APOB: variants seen among roughly 807,000 people sequenced by gnomAD.
APOB encodes the protein apolipoprotein B.
Under a neutral mutation model 314.1 loss-of-function variants are expected in APOB, and 153 were observed. The observed-to-expected ratio is 0.49, with a 90% confidence interval of 0.43 to 0.56. APOB has a LOEUF of 0.56. Among genes scored for constraint, APOB ranks in the 20% least tolerant of loss-of-function variants. APOB has a pLI of 0.00. For synonymous variants in APOB, 2,087 were observed against 2,036.4 expected (o/e 1.02, Z -0.67); for missense variants, 5,430 against 5,350.7 (o/e 1.01, Z -0.46).
chr2:21,003,398 C>G, intron 28 of APOB, 64 bp from the exon 29 acceptor site: 2 of 1,383,716 alleles, frequency 1.4e-6, no homozygotes, highest in East Asian at 4.6e-5. Context: ...ATATAGTACA[C>G]TAAAACTTCA....
intron 8 of APOB, 49 bp from the exon 9 acceptor site, chr2:21,033,567 C>G: frequency 1.3e-6 from 2 of 1,490,520 alleles, no homozygotes; most frequent in Non-Finnish European, 1.9e-6. Flanking sequence ...TCATCTCAAC[C>G]ATATCTTTGT....
intron 15 of APOB, among the ~76,000 whole-genome samples, chr2:21,026,343 G>A (rs1362585892): frequency 1.3e-5 from 2 of 151,992 alleles, no homozygotes; most frequent in Non-Finnish European, 2.9e-5. Flanking sequence ...CACCTCCCGG[G>A]TTCAAGCAAT....
chr2:21,007,778 A>T lies in APOB; in HGVS notation c.9090T>A (p.Ile3030=). ...RHDAHLNGKV[I]GTLKNSLFFS... is the part of the protein sequence containing the mutation. ...AGAAAAGAGAATTTTTCAAAGTTCC[A>T]ATAACCTTTCCATTTAAATGAGCAT... Residue 3030 remains isoleucine, a synonymous_variant, in exon 26 of 29, where the codon ATT becomes ATA. Coordinates refer to ENST00000233242, the MANE Select transcript of APOB (RefSeq NM_000384.3). 6.2e-7 allele frequency: 1 copy of T among 1,614,072 alleles called. No homozygotes were observed. The highest frequency in any genetic ancestry group is 8.5e-7 in the Non-Finnish European group (1 of 1,179,946).
In APOB at chr2:21,033,435, GGA is replaced by G. The variant is rs750610718; in HGVS notation, c.986_987del (p.Leu329ProfsTer10). On this transcript the variant is annotated frameshift_variant, in exon 9 of 29. Transcript: ENST00000233242. LOFTEE classifies it high-confidence loss of function. ...GAGATGGTTAGTTTTTTCAGTTCCT[GGA>G]GAGTCTTCAAAACAGCTTCGGCCTG... ...PKQAEAVLKT[L>X]QELKKLTISE... 6.2e-7 allele frequency: 1 copy of G among 1,614,136 alleles called. No homozygotes were observed. Among genetic ancestry groups the G allele is most frequent in the Non-Finnish European group, 8.5e-7 (1 of 1,180,016 alleles).
At position 21,019,755 on chromosome 2, in the gene APOB, G is replaced by A. The variant is rs773461882; in HGVS notation, c.2967C>T (p.Ser989=). 2.0e-5 allele frequency: 33 copies of A among 1,614,038 alleles called. No individual in the cohort carries two copies. The highest frequency in any genetic ancestry group is 1.8e-4 in the East Asian group (8 of 44,892). The change falls in exon 19 of 29, where the codon TCC becomes TCT. Residue 989 remains serine (S), a synonymous_variant. Transcript: ENST00000233242. ...GAYSNASSTD[S]ASYYPLTGDT... is the part of the protein sequence containing the mutation. The stretch of plus-strand genomic sequence containing the variant: ...CCCCGGTCAGCGGATAGTAGGAGGC[G>A]GAGTCTGTGGAGCTGGCGTTGGAGT...
intron 9 of APOB, among the ~76,000 whole-genome samples, 165 bp downstream of exon 9, chr2:21,033,134 C>T (rs1482974112): frequency 6.6e-6 from 1 of 152,182 alleles, no homozygotes; most frequent in African/African-American, 2.4e-5. Flanking sequence ...TGGAACTCAG[C>T]GCAGCAGCTG....
At chr2:21,032,125 T>C (rs12720804) in intron 10 of APOB, among the ~76,000 whole-genome samples, 4,844 of 152,294 alleles carry the variant, frequency 0.032, 189 homozygotes, top group African/African-American at 0.092. Context: ...AACTTTGCTA[T>C]GTTCAAAAAC....
intron 12 of APOB, among the ~76,000 whole-genome samples, chr2:21,028,897 A>G (rs1663808710): frequency 6.6e-6 from 1 of 152,222 alleles, no homozygotes; most frequent in Non-Finnish European, 1.5e-5. Flanking sequence ...GTTTGGGGCT[A>G]ATAAATAGGG....
In APOB at chr2:21,008,533, T is replaced by G. The variant is rs1423981264; in HGVS notation, c.8335A>C (p.Asn2779His). ...FTLDANADIG[N>H]GTTSANEAGI... Reference sequence around the variant, plus strand: ...GCTTCGTTTGCTGAGGTGGTTCCATTCCCTATGTCAGCATTTGCATCTAAT... The same window carrying G: ...GCTTCGTTTGCTGAGGTGGTTCCATGCCCTATGTCAGCATTTGCATCTAAT... Residue 2779 changes from asparagine (N) to histidine (H), a missense_variant, in exon 26 of 29, where the codon AAT becomes CAT. Asn to His is a moderately conservative substitution (Grantham distance 68). This residue lies in a region of APOB where 3,281 missense variants were observed against 3,171.0 expected (regional missense o/e 1.03). Transcript: ENST00000233242. 3 of 1,614,088 alleles carry G rather than the reference T, an allele frequency of 1.9e-6. No individual in the cohort carries two copies. Among genetic ancestry groups the G allele is most frequent in the Non-Finnish European group, 2.5e-6 (3 of 1,179,980 alleles).
intron 18 of APOB, among the ~76,000 whole-genome samples, chr2:21,022,037 G>C (rs1663618885): frequency 6.6e-6 from 1 of 152,110 alleles, no homozygotes; most frequent in African/African-American, 2.4e-5. Flanking sequence ...TTCACTGAAG[G>C]CTTGAACTCT....
chr2:21,003,506 T>C (rs1185172524), intron 28 of APOB, among the ~76,000 whole-genome samples, 172 bp from the exon 29 acceptor site: 4 of 152,186 alleles, frequency 2.6e-5, no homozygotes, highest in Non-Finnish European at 4.4e-5. Flanking sequence ...GTTAAATAAG[T>C]CTACTGTTGT....
At position 21,007,188 on chromosome 2, in the gene APOB, T is replaced by G. The variant is rs772084083; in HGVS notation, c.9680A>C (p.Lys3227Thr). 2.5e-6 allele frequency: 4 copies of G among 1,613,950 alleles called. No homozygotes were observed. The South Asian group carries it at 4.4e-5, about 18-fold the overall frequency. Reference protein sequence around the residue: ...DFVTKSYNETKIKFDKYKAEK... With the variant: ...DFVTKSYNETTIKFDKYKAEK... ...AGCTTTGTACTTATCAAACTTAATT[T>G]TTGTTTCATTATAGGATTTGGTGAC... The change falls in exon 26 of 29, where the codon AAA (lysine) becomes ACA (threonine). Residue 3227 changes from lysine (K) to threonine (T), a missense_variant. By Grantham distance (78) the Lys-to-Thr change is moderately conservative. Transcript: ENST00000233242.
Position 21,029,641 on chromosome 2 carries a change from T to G in APOB, c.1615A>C (p.Lys539Gln). The change falls in exon 12 of 29, where the codon AAG (lysine) becomes CAG (glutamine). Residue 539 changes from lysine to glutamine, a missense_variant and splice_region_variant. By Grantham distance (53) the Lys-to-Gln change is moderately conservative. Around this residue, in one of 3 missense-constraint regions of APOB, gnomAD observed 2,085 missense variants for 2,079.7 expected, o/e 1.00. Coordinates refer to ENST00000233242, the MANE Select transcript of APOB (RefSeq NM_000384.3). Reference sequence around the variant, plus strand: ...AGACCTCTTCTTGTGGACTTTACCTTGTCTTTAGGCTCCATTTTCCGCAGA... The same window carrying G: ...AGACCTCTTCTTGTGGACTTTACCTGGTCTTTAGGCTCCATTTTCCGCAGA... ...QALRKMEPKD[K>Q]DQEVLLQTFL... is the part of the protein sequence containing the mutation. The G allele has an allele frequency of 6.2e-7, 1 of 1,614,210 alleles. No individual in the cohort carries two copies. The highest frequency in any genetic ancestry group is 8.5e-7 in the Non-Finnish European group (1 of 1,180,024).
At chr2:21,030,314 G>A (rs931552115) in intron 10 of APOB, among the ~76,000 whole-genome samples, 6 of 152,202 alleles carry the variant, frequency 3.9e-5, no homozygotes, top group African/African-American at 4.8e-5. Context: ...TACAGTCAAC[G>A]GATCTTTGAC....
chr2:21,016,314 T>C, intron 21 of APOB, 125 bp downstream of exon 21: 1 of 645,368 alleles, frequency 1.5e-6, no homozygotes, highest in Non-Finnish European at 2.8e-6. Flanking sequence ...TTGAGGGCTC[T>C]CTCTGCCACT....
At position 21,015,099 on chromosome 2, in the gene APOB, G is replaced by A. The variant is rs148959244; in HGVS notation, c.3670C>T (p.Arg1224Trp). Reference sequence around the variant, plus strand: ...ACTATTAATTTGGAACCCACGTGCCGGAAAGTCATGTCTGTTTGAGGGACT... The same window carrying A: ...ACTATTAATTTGGAACCCACGTGCCAGAAAGTCATGTCTGTTTGAGGGACT... The part of the protein sequence containing the change: ...HRVPQTDMTF[R>W]HVGSKLIVAM... Residue 1224 changes from arginine to tryptophan, a missense_variant, in exon 23 of 29, where the codon CGG becomes TGG. This residue lies in a region of APOB where 2,085 missense variants were observed against 2,079.7 expected (regional missense o/e 1.00). Transcript: ENST00000233242. The A allele has an allele frequency of 4.5e-5, 72 of 1,614,116 alleles. No homozygotes were observed. Among genetic ancestry groups the A allele is most frequent in the Admixed American group, 6.7e-5 (4 of 60,020 alleles).
chr2:21,030,869 C>T (rs1394832252), intron 10 of APOB, among the ~76,000 whole-genome samples: 3 of 152,002 alleles, frequency 2.0e-5, no homozygotes, highest in African/African-American at 7.2e-5. Context: ...CATTACTAAT[C>T]ATTAGAGAAA....
At position 21,010,250 on chromosome 2, in the gene APOB, A is replaced by G. The variant is rs1663269341; in HGVS notation, c.6618T>C (p.Ile2206=). 1 of 1,557,658 alleles carries G rather than the reference A, an allele frequency of 6.4e-7. No individual in the cohort carries two copies. Among genetic ancestry groups the G allele is most frequent in the South Asian group, 1.2e-5 (1 of 81,946 alleles). Residue 2206 remains isoleucine (I), a synonymous_variant, in exon 26 of 29, where the codon ATT becomes ATC. Coordinates refer to ENST00000233242, the MANE Select transcript of APOB (RefSeq NM_000384.3). ...GCTCATCAAGACTTTTTAATTTTTC[A>G]ATGATTTCATCAATAATATTAGCAA... ...IAIANIIDEI[I]EKLKSLDEHY...
chr2:21,030,283 C>G (rs1392115028), intron 10 of APOB, among the ~76,000 whole-genome samples: 1 of 151,998 alleles, frequency 6.6e-6, no homozygotes, highest in African/African-American at 2.4e-5. Flanking sequence ...AATACTGAAC[C>G]CAGAAATAAA....
Sources: allele counts gnomAD v4.1 joint callset (sites outside exome capture counted in the v4.1 genomes callset), GRCh38; gene constraint gnomAD v4.1.1; regional missense constraint gnomAD v4.1.1; transcripts MANE v1.5; gene names NCBI Gene and HGNC (gene_info 2026-07-23, HGNC 2026-07-21).